NCOA2: variants seen among roughly 807,000 people sequenced by gnomAD.
NCOA2 encodes the protein nuclear receptor coactivator 2, also known as class E basic helix-loop-helix protein 75.
A neutral mutation model predicts 145.1 loss-of-function variants in NCOA2; 21 were observed. That is an observed-to-expected ratio of 0.14 (90% CI 0.10 to 0.21). The LOEUF is 0.21. NCOA2 is among the 10% of genes least tolerant of loss of function. NCOA2 has a pLI of 1.00. For missense variants in NCOA2, 1,472 were observed against 1,837.6 expected (o/e 0.80, Z 3.64); for synonymous variants, 619 against 637.5 (o/e 0.97, Z 0.44).
At chr8:70,437,349 G>A in the NCOA2 span, among the ~76,000 whole-genome samples, 2 of 152,164 alleles carry the variant, frequency 1.3e-5, no homozygotes, top group South Asian at 2.1e-4. Flanking sequence ...CTCCACGGGG[G>A]CACCAACTGT....
intron 4 of NCOA2, among the ~76,000 whole-genome samples, chr8:70,187,492 T>C (rs574485439): frequency 6.6e-6 from 1 of 152,308 alleles, no homozygotes; most frequent in South Asian, 2.1e-4. Context: ...CAAATGTCTA[T>C]TTAAAGTCTA....
chr8:70,198,974 G>A lies in NCOA2; in HGVS notation c.259+14929C>T, dbSNP rs116501221. On this transcript the variant is annotated intron_variant, in intron 4 of 22. Transcript: ENST00000452400. ...CGGGGGCTGTGGGGAGGGACTCACC[G>A]AGTATCTGTGCAATGAAAGATGAGG... is the stretch of plus-strand genomic sequence containing the variant. Among the ~76,000 whole-genome samples the A allele has an allele frequency of 9.4e-3, 1,434 of 152,210 alleles. 23 individuals are homozygous for A. The highest frequency in any genetic ancestry group is 0.032 in the African/African-American group (1,336 of 41,512).
At chr8:70,228,111 C>T (rs1403103857) in intron 2 of NCOA2, among the ~76,000 whole-genome samples, 1 of 151,390 alleles carries the variant, frequency 6.6e-6, no homozygotes, top group East Asian at 1.9e-4. Context: ...TTTTTACAAA[C>T]GGAATTTGAA....
In NCOA2 at chr8:70,128,691, G is replaced by A. The variant is rs374084733; in HGVS notation, c.3603+11C>T. On this transcript the variant is annotated intron_variant, in intron 17 of 22. Coordinates refer to ENST00000452400, the MANE Select transcript of NCOA2 (RefSeq NM_006540.4). The stretch of plus-strand genomic sequence containing the variant: ...CACCCCTGACTTCCCAGGTGCCATC[G>A]AAGAACAGACCTGCTGTGCTTGGAG... 1.2e-5 allele frequency: 20 copies of A among 1,611,182 alleles called. No individual in the cohort carries two copies. The highest frequency in any genetic ancestry group is 5.0e-5 in the Admixed American group (3 of 59,948).
rs146482437 is a variant in NCOA2, at chr8:70,270,050, C to A, written c.-20+26694G>T. ...GGCTCATTTTTAAATTTTATCCTGGCGCATGCCTGTAGTCCCAGCTACTGG... is the reference window on the plus strand; with the variant it reads ...GGCTCATTTTTAAATTTTATCCTGGAGCATGCCTGTAGTCCCAGCTACTGG... On this transcript the variant is annotated intron_variant, in intron 2 of 22. Coordinates refer to ENST00000452400, the MANE Select transcript of NCOA2 (RefSeq NM_006540.4). 4.7e-4 allele frequency among the ~76,000 whole-genome samples: 71 copies of A among 152,078 alleles called. No individual in the cohort carries two copies. In the East Asian group the frequency reaches 0.011, roughly 24 times the overall value.
intron 2 of NCOA2, among the ~76,000 whole-genome samples, chr8:70,294,195 C>G (rs541176657): frequency 5.9e-5 from 9 of 152,196 alleles, no homozygotes; most frequent in African/African-American, 2.2e-4. Flanking sequence ...AACTTCATTT[C>G]TTCAATAGTT....
the NCOA2 span, among the ~76,000 whole-genome samples, chr8:70,422,106 A>C: frequency 6.6e-6 from 1 of 152,116 alleles, no homozygotes. Context: ...GAAAAAAAAA[A>C]AGTAAAAATA....
At chr8:70,331,873 A>G (rs1289010858) in intron 1 of NCOA2, among the ~76,000 whole-genome samples, 1 of 152,188 alleles carries the variant, frequency 6.6e-6, no homozygotes, top group Non-Finnish European at 1.5e-5. Context: ...TACATAGACA[A>G]ACTACACTTT....
intron 1 of NCOA2, among the ~76,000 whole-genome samples, chr8:70,302,748 CAATT>C (rs1182822766): frequency 6.6e-6 from 1 of 152,012 alleles, no homozygotes; most frequent in Non-Finnish European, 1.5e-5. Flanking sequence ...TCTGAAAGTA[CAATT>C]AGTCATAAGT....
intron 2 of NCOA2, among the ~76,000 whole-genome samples, chr8:70,281,355 C>CAAA (rs372574771): frequency 2.5e-4 from 15 of 60,992 alleles, no homozygotes; most frequent in Non-Finnish European, 5.1e-4. Context: ...GACCCTGTCT[C>CAAA]AAAAAAAAAA....
chr8:70,304,858 T>C (rs1219734268), intron 1 of NCOA2, among the ~76,000 whole-genome samples: 40 of 102,010 alleles, frequency 3.9e-4, no homozygotes, highest in Non-Finnish European at 4.4e-4. Flanking sequence ...GTAACTAGCT[T>C]TTTTTTTTTT....
At chr8:70,265,980 A>G (rs918827644) in intron 2 of NCOA2, among the ~76,000 whole-genome samples, 4 of 151,750 alleles carry the variant, frequency 2.6e-5, no homozygotes, top group African/African-American at 9.7e-5. Flanking sequence ...TCTAATACAA[A>G]AATCTCTAAA....
chr8:70,141,505 A>G, intron 13 of NCOA2, 106 bp from the exon 14 acceptor site: 2 of 1,058,100 alleles, frequency 1.9e-6, no homozygotes, highest in East Asian at 5.2e-5. Flanking sequence ...TCTGTAATTC[A>G]CACTTAGCCA....
intron 1 of NCOA2, among the ~76,000 whole-genome samples, chr8:70,312,610 T>C (rs1019546674): frequency 1.3e-5 from 2 of 151,920 alleles, no homozygotes; most frequent in African/African-American, 2.4e-5. Context: ...TTTTAAAAGA[T>C]GATCATTTCC....
In NCOA2 at chr8:70,138,361, A is replaced by C. The variant is rs140013944; in HGVS notation, c.3029-29T>G. 1.7e-3 allele frequency: 2,597 copies of C among 1,564,876 alleles called. 44 individuals carry two copies. In the African/African-American group the frequency reaches 0.032, roughly 19 times the overall value. ...GAAAGGGAGAAGAAAAAAATCTTAC[A>C]TCTTTAATCAAGGAAGCATTTATTT... On this transcript the variant is annotated intron_variant, in intron 14 of 22. Transcript: ENST00000452400.
At chr8:70,225,775 C>T (rs370700820) in intron 2 of NCOA2, among the ~76,000 whole-genome samples, 1 of 151,958 alleles carries the variant, frequency 6.6e-6, no homozygotes, top group Admixed American at 6.6e-5. Context: ...ATATGAAAAG[C>T]GGTACAATGT....
chr8:70,396,579 A>G (rs1481873984), intron 1 of NCOA2, among the ~76,000 whole-genome samples: 2 of 152,154 alleles, frequency 1.3e-5, no homozygotes, highest in African/African-American at 4.8e-5. Flanking sequence ...ATTTTACTTC[A>G]CCCATATAAT....
intron 2 of NCOA2, among the ~76,000 whole-genome samples, chr8:70,232,382 G>A (rs1012966132): frequency 6.6e-6 from 1 of 152,110 alleles, no homozygotes; most frequent in Non-Finnish European, 1.5e-5. Flanking sequence ...AAGATTTCAG[G>A]GTTTCTAAAA....
At chr8:70,256,471 T>C (rs1823642106) in intron 2 of NCOA2, among the ~76,000 whole-genome samples, 1 of 152,216 alleles carries the variant, frequency 6.6e-6, no homozygotes. Flanking sequence ...AGCAGTAGTA[T>C]TGTTTTTGTT....
Sources: gnomAD v4.1 joint callset for allele counts (sites outside exome capture counted in the v4.1 genomes callset) on GRCh38, gnomAD v4.1.1 for gene constraint, MANE v1.5 for transcripts, NCBI Gene and HGNC (gene_info 2026-07-23, HGNC 2026-07-21) for gene names.